The following GRM8 variants were observed in gnomAD, a reference collection of about 807,000 sequenced individuals.
The protein encoded by GRM8 is glutamate metabotropic receptor 8.
GRM8 carries 47 observed loss-of-function variants against 87.2 expected under a neutral mutation model. The observed-to-expected ratio is 0.54, with a 90% CI of 0.43 to 0.69. The LOEUF is 0.69. Ranked by LOEUF, GRM8 falls within the 30% of genes least tolerant of loss-of-function variation. The pLI, the probability that GRM8 is intolerant of heterozygous loss-of-function variation, is 0.00. For synonymous variants in GRM8, 396 were observed against 404.5 expected, an observed-to-expected ratio of 0.98 and a Z score of 0.25; for missense variants, 1,019 against 1,139.2, an observed-to-expected ratio of 0.89 and a Z score of 1.52.
chr7:126,597,551 T>A lies in GRM8; in HGVS notation c.1494+11811A>T, dbSNP rs936537523. 3.9e-5 allele frequency among the ~76,000 whole-genome samples: 6 copies of A among 152,114 alleles called. No individual in the cohort carries two copies. The East Asian group carries it at 1.2e-3, about 29-fold the overall frequency. ...ATTTTAACCTTATTTATTCTACTTG[T>A]TATGTTAAAATTGTACTTATTTTAC... On this transcript the variant is annotated intron_variant, in intron 8 of 10. Coordinates refer to ENST00000339582, the MANE Select transcript of GRM8 (RefSeq NM_000845.3).
chr7:126,964,395 T>A (rs1369838837), intron 3 of GRM8, among the ~76,000 whole-genome samples: 1 of 151,854 alleles, frequency 6.6e-6, no homozygotes, highest in African/African-American at 2.4e-5. Context: ...TGGGAAAAAA[T>A]TTTTGCAATC....
chr7:127,132,562 G>A (rs927448017), intron 2 of GRM8, among the ~76,000 whole-genome samples: 13 of 151,996 alleles, frequency 8.6e-5, no homozygotes, highest in Non-Finnish European at 1.3e-4. Context: ...TAATGAAAGC[G>A]GTACACTGGA....
chr7:126,846,895 A>G (rs149079816), intron 6 of GRM8, among the ~76,000 whole-genome samples: 3,168 of 152,176 alleles, frequency 0.021, 117 homozygotes, highest in African/African-American at 0.072. Flanking sequence ...CACAATTCCT[A>G]CCCTGGTATT....
chr7:126,934,831 G>A (rs1806131816), intron 3 of GRM8, among the ~76,000 whole-genome samples: 1 of 152,164 alleles, frequency 6.6e-6, no homozygotes, highest in African/African-American at 2.4e-5. Context: ...TTGGAGGTTT[G>A]GAGCCATGTG....
intron 7 of GRM8, among the ~76,000 whole-genome samples, chr7:126,655,604 C>T (rs1418034745): frequency 1.3e-5 from 2 of 152,146 alleles, no homozygotes; most frequent in Non-Finnish European, 2.9e-5. Flanking sequence ...CCATGCTTAT[C>T]TCTGATGGAT....
chr7:126,570,958 T>C (rs1248887583), intron 8 of GRM8, among the ~76,000 whole-genome samples: 2 of 152,214 alleles, frequency 1.3e-5, no homozygotes, highest in Admixed American at 6.5e-5. Context: ...TTGTCACTTT[T>C]TTTCTAAATC....
chr7:127,083,266 T>C (rs1034766309), intron 3 of GRM8, among the ~76,000 whole-genome samples: 1 of 152,178 alleles, frequency 6.6e-6, no homozygotes, highest in African/African-American at 2.4e-5. Context: ...AGCCAAAACT[T>C]TGAGCACCAT....
intron 2 of GRM8, among the ~76,000 whole-genome samples, chr7:127,143,705 A>G (rs1347035241): frequency 6.6e-6 from 1 of 152,198 alleles, no homozygotes; most frequent in Non-Finnish European, 1.5e-5. Context: ...TGGTATCCAC[A>G]TTAAGGGCAA....
chr7:126,538,230 G>A (rs958623512), intron 8 of GRM8, among the ~76,000 whole-genome samples: 1 of 152,184 alleles, frequency 6.6e-6, no homozygotes, highest in Non-Finnish European at 1.5e-5. Flanking sequence ...AAGTTTCCGG[G>A]TGAGTGTGCT....
At chr7:126,792,817 A>G (rs1017317355) in intron 6 of GRM8, among the ~76,000 whole-genome samples, 1 of 152,198 alleles carries the variant, frequency 6.6e-6, no homozygotes, top group Non-Finnish European at 1.5e-5. Flanking sequence ...AGTTTTGAAC[A>G]CTTGCAAACC....
chr7:126,571,425 T>C (rs534997786), intron 8 of GRM8, among the ~76,000 whole-genome samples: 76 of 152,240 alleles, frequency 5.0e-4, no homozygotes, highest in South Asian at 1.0e-3. Flanking sequence ...TACAGAGCCA[T>C]TGATGATCTA....
At chr7:126,750,806 T>C (rs1816331321) in intron 7 of GRM8, among the ~76,000 whole-genome samples, 1 of 152,102 alleles carries the variant, frequency 6.6e-6, no homozygotes, top group Non-Finnish European at 1.5e-5. Flanking sequence ...TTTAGACACA[T>C]ATTTTTTTCA....
chr7:127,235,610 A>G (rs934304433), intron 2 of GRM8, among the ~76,000 whole-genome samples: 5 of 152,232 alleles, frequency 3.3e-5, no homozygotes, highest in Non-Finnish European at 7.3e-5. Context: ...TGGTCCATCC[A>G]TATGATTAAA....
intron 6 of GRM8, among the ~76,000 whole-genome samples, chr7:126,789,103 C>T (rs895003724): frequency 6.6e-6 from 1 of 152,078 alleles, no homozygotes; most frequent in African/African-American, 2.4e-5. Context: ...AATTTGTCTA[C>T]AGTATGATAC....
intron 7 of GRM8, among the ~76,000 whole-genome samples, chr7:126,714,661 G>A (rs1743761951): frequency 6.6e-6 from 1 of 152,092 alleles, no homozygotes; most frequent in Non-Finnish European, 1.5e-5. Flanking sequence ...TCACGGAAAA[G>A]ATCATCCCCT....
chr7:126,796,816 A>G (rs1821999808), intron 6 of GRM8, among the ~76,000 whole-genome samples: 1 of 152,076 alleles, frequency 6.6e-6, no homozygotes, highest in Non-Finnish European at 1.5e-5. Flanking sequence ...AAATATCATT[A>G]TTCCCAGAAA....
chr7:126,851,725 C>G (rs2130726227), intron 6 of GRM8, among the ~76,000 whole-genome samples: 1 of 152,228 alleles, frequency 6.6e-6, no homozygotes, highest in Middle Eastern at 3.4e-3. Flanking sequence ...GGTTTTACTC[C>G]AATGTCATCT....
chr7:126,895,470 T>C (rs1257442366), intron 6 of GRM8, among the ~76,000 whole-genome samples: 1 of 152,070 alleles, frequency 6.6e-6, no homozygotes, highest in Non-Finnish European at 1.5e-5. Context: ...AAAATCAAAA[T>C]CTGCATGTTA....
intron 2 of GRM8, among the ~76,000 whole-genome samples, chr7:127,209,447 C>T (rs1042180424): frequency 2.0e-5 from 3 of 152,184 alleles, no homozygotes; most frequent in African/African-American, 7.2e-5. Context: ...CCTGAGAATC[C>T]AGCAGCCCCT....
Sources: allele counts gnomAD v4.1 joint callset (sites outside exome capture counted in the v4.1 genomes callset), GRCh38; gene constraint gnomAD v4.1.1; transcripts MANE v1.5; gene names NCBI Gene and HGNC (gene_info 2026-07-23, HGNC 2026-07-21).